KCNQ3: variants seen among roughly 807,000 people sequenced by gnomAD.
The protein encoded by KCNQ3 is potassium voltage-gated channel subfamily Q member 3.
In KCNQ3, 30 loss-of-function variants were observed where a neutral mutation model predicts 92.5. The observed-to-expected ratio is 0.32, with a 90% CI of 0.24 to 0.44. The LOEUF is 0.44. KCNQ3 is among the 20% of genes least tolerant of loss of function. The pLI is 1.00. For synonymous variants in KCNQ3, 450 were observed against 468.8 expected (o/e 0.96, Z 0.52); for missense variants, 913 against 1,140.3 (o/e 0.80, Z 2.87).
At chr8:132,204,477 C>T (rs1294859286) in intron 1 of KCNQ3, among the ~76,000 whole-genome samples, 1 of 152,202 alleles carries the variant, frequency 6.6e-6, no homozygotes, top group African/African-American at 2.4e-5. Context: ...CATCTTTCTC[C>T]AGCCTCATTC....
At chr8:132,213,560 G>C (rs1006396652) in intron 1 of KCNQ3, among the ~76,000 whole-genome samples, 1 of 152,178 alleles carries the variant, frequency 6.6e-6, no homozygotes, top group African/African-American at 2.4e-5. Context: ...GTTACCCTCA[G>C]CTACTGCAGA....
intron 1 of KCNQ3, among the ~76,000 whole-genome samples, chr8:132,319,627 C>T (rs990162519): frequency 1.3e-5 from 2 of 152,184 alleles, no homozygotes; most frequent in Non-Finnish European, 2.9e-5. Flanking sequence ...AAAGAGTCAT[C>T]GAGCTGCCAC....
At chr8:132,131,766 T>A (rs1295082308) in intron 14 of KCNQ3, among the ~76,000 whole-genome samples, 1 of 152,122 alleles carries the variant, frequency 6.6e-6, no homozygotes, top group Non-Finnish European at 1.5e-5. Flanking sequence ...TAGGTAGTAG[T>A]ACTCAAGTAT....
At chr8:132,422,699 C>T (rs1821006530) in intron 1 of KCNQ3, among the ~76,000 whole-genome samples, 1 of 152,218 alleles carries the variant, frequency 6.6e-6, no homozygotes, top group South Asian at 2.1e-4. Flanking sequence ...CACGACTCTC[C>T]ATATAACTAA....
At chr8:132,236,100 A>T (rs982181112) in intron 1 of KCNQ3, among the ~76,000 whole-genome samples, 1 of 152,200 alleles carries the variant, frequency 6.6e-6, no homozygotes, top group Admixed American at 6.5e-5. Context: ...CACCTATACC[A>T]GCATGGCAGT....
intron 7 of KCNQ3, among the ~76,000 whole-genome samples, chr8:132,170,806 G>A (rs1300896419): frequency 6.7e-6 from 1 of 149,404 alleles, no homozygotes; most frequent in East Asian, 2.0e-4. Flanking sequence ...GAGGCCAAGA[G>A]TTGGAGACCA....
chr8:132,269,004 T>C (rs937311316), intron 1 of KCNQ3, among the ~76,000 whole-genome samples: 1 of 152,250 alleles, frequency 6.6e-6, no homozygotes, highest in African/African-American at 2.4e-5. Context: ...ATGTGGAACA[T>C]CTTTTCATAT....
chr8:132,342,469 T>C (rs1818561565), intron 1 of KCNQ3, among the ~76,000 whole-genome samples: 1 of 152,166 alleles, frequency 6.6e-6, no homozygotes, highest in Non-Finnish European at 1.5e-5. Context: ...CGGGCAAAAT[T>C]TGGCCTATGG....
chr8:132,212,325 G>A (rs113331046), intron 1 of KCNQ3, among the ~76,000 whole-genome samples: 1,934 of 152,172 alleles, frequency 0.013, 49 homozygotes, highest in African/African-American at 0.044. Context: ...CCTTAAAGGA[G>A]CGGGCACCTG....
chr8:132,243,349 G>A (rs1345188206), intron 1 of KCNQ3, among the ~76,000 whole-genome samples: 2 of 152,160 alleles, frequency 1.3e-5, no homozygotes, highest in South Asian at 2.1e-4. Flanking sequence ...AAGAAAATGT[G>A]AGGTGGAATT....
chr8:132,296,506 G>T (rs567885326), intron 1 of KCNQ3, among the ~76,000 whole-genome samples: 1 of 151,442 alleles, frequency 6.6e-6, no homozygotes, highest in Non-Finnish European at 1.5e-5. Flanking sequence ...CGTCTTTAGC[G>T]TTAGGTATAT....
Position 132,379,187 on chromosome 8 carries a change from C to A in KCNQ3, c.386+100960G>T, listed in dbSNP as rs555579998. ...TTCTCTACACATCAATGAACAGAAT[C>A]ATAATAATTAATGTCTATGAAAGAC... On this transcript the variant is annotated intron_variant, in intron 1 of 14. Coordinates refer to ENST00000388996, the MANE Select transcript of KCNQ3 (RefSeq NM_004519.4). Among the ~76,000 whole-genome samples the A allele has an allele frequency of 5.5e-4, 83 of 152,288 alleles. 1 individual carries two copies. Among genetic ancestry groups the A allele is most frequent in the African/African-American group, 2.0e-3 (83 of 41,570 alleles).
At chr8:132,150,703 C>A (rs1825609223) in intron 9 of KCNQ3, among the ~76,000 whole-genome samples, 1 of 151,922 alleles carries the variant, frequency 6.6e-6, no homozygotes, top group African/African-American at 2.4e-5. Context: ...AGGGGAGAGA[C>A]CTCTGTTTTC....
At chr8:132,394,446 ACCC>A (rs1294772133) in intron 1 of KCNQ3, among the ~76,000 whole-genome samples, 1 of 151,830 alleles carries the variant, frequency 6.6e-6, no homozygotes, top group African/African-American at 2.4e-5. Context: ...GTGACCTCCC[ACCC>A]CCCAAATTTT....
intron 1 of KCNQ3, among the ~76,000 whole-genome samples, chr8:132,235,663 T>C (rs1298724845): frequency 6.6e-6 from 1 of 152,164 alleles, no homozygotes; most frequent in East Asian, 1.9e-4. Context: ...TCTCCTTCAC[T>C]CAGTCGGTGC....
intron 1 of KCNQ3, among the ~76,000 whole-genome samples, chr8:132,277,254 T>A (rs1816363343): frequency 6.6e-6 from 1 of 152,206 alleles, no homozygotes; most frequent in Non-Finnish European, 1.5e-5. Context: ...AACAACCTGC[T>A]TAAAGTCACA....
At chr8:132,175,269 A>G (rs1826509566) in intron 5 of KCNQ3, among the ~76,000 whole-genome samples, 184 bp downstream of exon 5, 2 of 152,352 alleles carry the variant, frequency 1.3e-5, no homozygotes, top group Admixed American at 6.5e-5. Context: ...AGAAAAGTCA[A>G]TTCCAAGTGC....
At chr8:132,209,309 T>C (rs912403157) in intron 1 of KCNQ3, among the ~76,000 whole-genome samples, 6 of 152,158 alleles carry the variant, frequency 3.9e-5, no homozygotes, top group Non-Finnish European at 7.3e-5. Flanking sequence ...GTGCCTTTCC[T>C]TTATTTCTCT....
chr8:132,438,539 C>T (rs35265036), intron 1 of KCNQ3, among the ~76,000 whole-genome samples: 1 of 152,116 alleles, frequency 6.6e-6, no homozygotes, highest in Non-Finnish European at 1.5e-5. Context: ...GGCCAGGCTC[C>T]TTACCCAAGG....
Sources: allele counts gnomAD v4.1 joint callset (sites outside exome capture counted in the v4.1 genomes callset), GRCh38; gene constraint gnomAD v4.1.1; transcripts MANE v1.5; gene names NCBI Gene and HGNC (gene_info 2026-07-23, HGNC 2026-07-21).